The following CDH12 variants were observed in gnomAD, a reference collection of about 807,000 sequenced individuals.
CDH12 encodes cadherin 12.
CDH12 carries 41 observed loss-of-function variants against 74.1 expected under a neutral mutation model. The ratio of observed to expected loss-of-function variants is 0.55; its 90% confidence interval spans 0.43 to 0.72. The LOEUF is 0.72. Ranked by LOEUF, CDH12 falls within the 30% of genes least tolerant of loss-of-function variation. The probability of loss-of-function intolerance (pLI) is 0.00; values close to 1 mark genes in which losing one functional copy is unlikely to be tolerated. For missense variants in CDH12, 945 were observed against 977.2 expected, an observed-to-expected ratio of 0.97 and a Z score of 0.44; for synonymous variants, 399 against 355.0, an observed-to-expected ratio of 1.12 and a Z score of -1.39.
intron 1 of CDH12, among the ~76,000 whole-genome samples, chr5:22,532,350 G>GATAGATATATATATATAT (rs1737621551): frequency 3.6e-5 from 1 of 27,576 alleles, no homozygotes; most frequent in East Asian, 1.3e-3. Flanking sequence ...ATATAAATAG[G>GATAGATATATATATATAT]ATATATATAT....
In CDH12 at chr5:21,948,712, G is replaced by A. The variant is rs1413399559; in HGVS notation, c.526+26379C>T. 2.6e-5 allele frequency among the ~76,000 whole-genome samples: 4 copies of A among 152,034 alleles called. 1 individual carries two copies. Among genetic ancestry groups the A allele is most frequent in the Non-Finnish European group, 5.9e-5 (4 of 68,016 alleles). ...TATGTGAGATCTGGGAGGGTCCAGG[G>A]GTGGAATGATATGGTTTGGCTCTAT... On this transcript the variant is annotated intron_variant, in intron 6 of 14. Transcript: ENST00000382254.
chr5:22,725,092 A>G (rs1362716090), intron 1 of CDH12, among the ~76,000 whole-genome samples: 1 of 151,862 alleles, frequency 6.6e-6, no homozygotes, highest in East Asian at 1.9e-4. Flanking sequence ...ACTGGAATAT[A>G]GTAAAACATG....
At chr5:22,052,446 C>T (rs1444035891) in intron 5 of CDH12, among the ~76,000 whole-genome samples, 1 of 152,142 alleles carries the variant, frequency 6.6e-6, no homozygotes, top group Non-Finnish European at 1.5e-5. Flanking sequence ...CTCTAATCCC[C>T]TGTTCATGCT....
chr5:22,052,464 A>G (rs550837654), intron 5 of CDH12, among the ~76,000 whole-genome samples: 40 of 152,196 alleles, frequency 2.6e-4, no homozygotes, highest in African/African-American at 7.9e-4. Context: ...GCTGCCACTT[A>G]AGCACTTGTG....
At chr5:22,009,158 T>C (rs1280625362) in intron 5 of CDH12, among the ~76,000 whole-genome samples, 1 of 152,180 alleles carries the variant, frequency 6.6e-6, no homozygotes, top group Admixed American at 6.5e-5. Context: ...GCGACTAATA[T>C]ACCCTGTTCT....
intron 6 of CDH12, among the ~76,000 whole-genome samples, chr5:21,912,504 C>A (rs1753901600): frequency 6.6e-6 from 1 of 152,042 alleles, no homozygotes; most frequent in Non-Finnish European, 1.5e-5. Context: ...AGGCTGTCAG[C>A]CACTAAGGAG....
chr5:22,505,005 G>A (rs886621224), intron 2 of CDH12, among the ~76,000 whole-genome samples: 6 of 151,698 alleles, frequency 4.0e-5, no homozygotes, highest in African/African-American at 1.2e-4. Flanking sequence ...ATGAAACTGT[G>A]AGGAAAAATA....
In CDH12 at chr5:22,643,733, C is replaced by CTTTTTTTTTTT. The variant is rs762944279; in HGVS notation, c.-522-138380_-522-138370dup. Among the ~76,000 whole-genome samples the CTTTTTTTTTTT allele has an allele frequency of 1.6e-4, 8 of 51,208 alleles. 2 individuals are homozygous for CTTTTTTTTTTT. Among genetic ancestry groups the CTTTTTTTTTTT allele is most frequent in the African/African-American group, 4.8e-4 (6 of 12,596 alleles). 33.6% of individuals were successfully genotyped at this position (51,208 alleles called of 152,430 possible). On this transcript the variant is annotated intron_variant, in intron 1 of 14. Transcript: ENST00000382254. Reference sequence around the variant, plus strand: ...ATTGCGCTTTTGGATTTTAAGGTATCTTTTTTTTTTTTTTTTTTTTTTTTT... The same window carrying CTTTTTTTTTTT: ...ATTGCGCTTTTGGATTTTAAGGTATCTTTTTTTTTTTTTTTTTTTTTTTTTTTTTTTTTTTT...
At chr5:22,285,599 C>G (rs1737099297) in intron 3 of CDH12, among the ~76,000 whole-genome samples, 1 of 152,108 alleles carries the variant, frequency 6.6e-6, no homozygotes, top group Non-Finnish European at 1.5e-5. Flanking sequence ...CACTAAATAA[C>G]TGCTGAATGA....
intron 3 of CDH12, among the ~76,000 whole-genome samples, chr5:22,283,718 A>G (rs1737017944): frequency 6.6e-6 from 1 of 152,070 alleles, no homozygotes; most frequent in Admixed American, 6.6e-5. Flanking sequence ...GATAAATGAT[A>G]ATATTGTACT....
chr5:22,716,398 C>A (rs1743579400), intron 1 of CDH12, among the ~76,000 whole-genome samples: 1 of 150,368 alleles, frequency 6.7e-6, no homozygotes, highest in Non-Finnish European at 1.5e-5. Context: ...AGTGACATTG[C>A]TGCTGTCATA....
intron 5 of CDH12, among the ~76,000 whole-genome samples, chr5:22,009,249 G>A (rs557580384): frequency 2.2e-3 from 333 of 152,214 alleles, no homozygotes; most frequent in Non-Finnish European, 3.6e-3. Flanking sequence ...AATTAATAAC[G>A]CCAGCTCATC....
At position 22,280,839 on chromosome 5, in the gene CDH12, T is replaced by C. The variant is rs952869072; in HGVS notation, c.-332-68196A>G. 7.2e-5 allele frequency among the ~76,000 whole-genome samples: 11 copies of C among 152,026 alleles called. No homozygotes were observed. The East Asian group carries it at 1.9e-3, about 27-fold the overall frequency. ...TTCCTTCTGAGACTATTCCAATCAATAGAAAAAGAGCGAATCCTCCCTAAC... is the reference window on the plus strand; with the variant it reads ...TTCCTTCTGAGACTATTCCAATCAACAGAAAAAGAGCGAATCCTCCCTAAC... On this transcript the variant is annotated intron_variant, in intron 3 of 14. Transcript: ENST00000382254.
At chr5:22,368,147 G>A (rs928659616) in intron 3 of CDH12, among the ~76,000 whole-genome samples, 1 of 151,806 alleles carries the variant, frequency 6.6e-6, no homozygotes, top group African/African-American at 2.4e-5. Context: ...TTATTAATCA[G>A]CAGTTATTAT....
chr5:22,400,753 A>C (rs1235963159), intron 3 of CDH12, among the ~76,000 whole-genome samples: 1 of 152,122 alleles, frequency 6.6e-6, no homozygotes, highest in Non-Finnish European at 1.5e-5. Context: ...AATTATGACC[A>C]CTGGGAAGCG....
chr5:21,852,050 TG>T (rs2149997849), intron 7 of CDH12, among the ~76,000 whole-genome samples: 1 of 151,422 alleles, frequency 6.6e-6, no homozygotes, highest in East Asian at 1.9e-4. Context: ...GGAAGCTATA[TG>T]GCTGGAACAA....
At chr5:22,644,966 T>C (rs1282412698) in intron 1 of CDH12, among the ~76,000 whole-genome samples, 1 of 152,078 alleles carries the variant, frequency 6.6e-6, no homozygotes, top group Non-Finnish European at 1.5e-5. Flanking sequence ...TTTAAGCCCA[T>C]TGTTGAGAAC....
intron 5 of CDH12, among the ~76,000 whole-genome samples, chr5:21,984,296 C>A (rs1429720510): frequency 1.3e-5 from 2 of 152,124 alleles, no homozygotes; most frequent in Admixed American, 6.6e-5. Context: ...TACAGAATAA[C>A]GTCTTTTAAA....
intron 1 of CDH12, among the ~76,000 whole-genome samples, chr5:22,851,369 TAAG>T (rs973987297): frequency 5.9e-5 from 9 of 152,048 alleles, no homozygotes; most frequent in Admixed American, 1.3e-4. Flanking sequence ...CAGTAGAAGT[TAAG>T]AACACAGCAA....
Sources: allele counts gnomAD v4.1 joint callset (sites outside exome capture counted in the v4.1 genomes callset), GRCh38; gene constraint gnomAD v4.1.1; transcripts MANE v1.5; gene names NCBI Gene and HGNC (gene_info 2026-07-23, HGNC 2026-07-21).